Variants in NAV2 observed in about 807,000 individuals in gnomAD.
NAV2 encodes neuron navigator 2, also known as helicase, APC down-regulated 1.
In NAV2, 54 loss-of-function variants were observed where a neutral mutation model predicts 223.2. The ratio of observed to expected loss-of-function variants is 0.24; its 90% confidence interval spans 0.19 to 0.30. The LOEUF (loss-of-function observed/expected upper bound fraction) is 0.30. Ranked by LOEUF, NAV2 falls within the 10% of genes least tolerant of loss-of-function variation. NAV2 has a pLI of 1.00. For missense variants in NAV2, 2,806 were observed against 3,147.5 expected (o/e 0.89, Z 2.60); for synonymous variants, 1,279 against 1,239.3 (o/e 1.03, Z -0.67).
At position 20,090,871 on chromosome 11, in the gene NAV2, A is replaced by T. The variant is rs2243624; in HGVS notation, c.5505A>T (p.Ser1835=). The T allele has an allele frequency of 1.2e-6, 2 of 1,613,248 alleles. No individual in the cohort carries two copies. The highest frequency in any genetic ancestry group is 3.3e-5 in the Admixed American group (2 of 59,986). ...AACATTCCTCTTTCCCTAGAATTTC[A>T]GAATGCATGGATAGTGAAGCTGAGA... ...LRNSHSNSLI[S]ECMDSEAETV... is the part of the protein sequence containing the mutation. Residue 1835 remains serine, a synonymous_variant, in exon 27 of 38, where the codon TCA becomes TCT. Transcript: ENST00000349880.
intron 1 of NAV2, among the ~76,000 whole-genome samples, chr11:19,823,952 G>C (rs962755128): frequency 2.0e-5 from 3 of 152,056 alleles, no homozygotes. Flanking sequence ...AAGTGCAATT[G>C]TGTTAATTAA....
chr11:19,500,740 G>A (rs1369209125), intron 1 of NAV2, among the ~76,000 whole-genome samples: 1 of 152,146 alleles, frequency 6.6e-6, no homozygotes. Context: ...ACTTTCAGAT[G>A]CTTTATCTAA....
At chr11:19,367,694 C>T (rs1848335224) in intron 1 of NAV2, among the ~76,000 whole-genome samples, 3 of 152,046 alleles carry the variant, frequency 2.0e-5, no homozygotes, top group Admixed American at 2.0e-4. Context: ...GTATGTCCAT[C>T]CTTGTGGGCC....
chr11:20,072,152 A>C (rs1420249464), intron 22 of NAV2, among the ~76,000 whole-genome samples: 1 of 152,246 alleles, frequency 6.6e-6, no homozygotes, highest in East Asian at 1.9e-4. Flanking sequence ...AGCTTTCTGC[A>C]TATGGCTAGC....
chr11:19,816,270 G>A (rs570859002), intron 1 of NAV2, among the ~76,000 whole-genome samples: 12 of 152,302 alleles, frequency 7.9e-5, no homozygotes, highest in East Asian at 1.9e-4. Flanking sequence ...TCCTAGGGCC[G>A]GGCAGCGCCA....
chr11:20,053,519 C>T lies in NAV2; in HGVS notation c.4482-561C>T, dbSNP rs115010342. ...TGGTGGACCACATAACTTCTGAAGA[C>T]CCTCTCCTATAAAACTCAACAATTT... On this transcript the variant is annotated intron_variant, in intron 17 of 37. Coordinates refer to ENST00000349880, the MANE Select transcript of NAV2 (RefSeq NM_145117.5). 2.3e-3 allele frequency among the ~76,000 whole-genome samples: 343 copies of T among 152,308 alleles called. 1 individual carries two copies. Among genetic ancestry groups the T allele is most frequent in the African/African-American group, 7.9e-3 (327 of 41,556 alleles).
intron 1 of NAV2, among the ~76,000 whole-genome samples, chr11:19,383,789 G>A (rs937529694): frequency 1.2e-4 from 18 of 152,220 alleles, no homozygotes; most frequent in Admixed American, 4.6e-4. Flanking sequence ...CTCAATAAGC[G>A]TTAAAGCTTT....
intron 1 of NAV2, among the ~76,000 whole-genome samples, chr11:19,637,936 G>T (rs1366145369): frequency 6.6e-6 from 1 of 152,246 alleles, no homozygotes; most frequent in Non-Finnish European, 1.5e-5. Context: ...AGGCCAGTGA[G>T]TTGGCTTTTA....
chr11:19,942,814 A>C (rs1383683161), intron 8 of NAV2, among the ~76,000 whole-genome samples: 1 of 152,164 alleles, frequency 6.6e-6, no homozygotes, highest in Non-Finnish European at 1.5e-5. Context: ...AGAAGACCTC[A>C]TCTCTGCAAA....
intron 1 of NAV2, among the ~76,000 whole-genome samples, chr11:19,702,822 A>C (rs920884571): frequency 1.6e-4 from 22 of 134,662 alleles, no homozygotes; most frequent in African/African-American, 5.7e-4. Flanking sequence ...TAATAATAAT[A>C]ATAAGTCCCT....
chr11:19,737,883 A>T (rs914786486), intron 1 of NAV2, among the ~76,000 whole-genome samples: 5 of 152,348 alleles, frequency 3.3e-5, no homozygotes, highest in South Asian at 4.1e-4. Flanking sequence ...GCCATGGCTG[A>T]TGGTGAAACC....
intron 1 of NAV2, among the ~76,000 whole-genome samples, chr11:19,665,541 A>G (rs1303637299): frequency 6.6e-6 from 1 of 152,310 alleles, no homozygotes; most frequent in Admixed American, 6.5e-5. Flanking sequence ...AAATGGGGAT[A>G]TTAATATTTT....
chr11:19,427,984 AT>A (rs532127755), intron 1 of NAV2, among the ~76,000 whole-genome samples: 9 of 151,224 alleles, frequency 6.0e-5, no homozygotes, highest in Non-Finnish European at 1.0e-4. Context: ...TGTTTGGGGT[AT>A]TTTTTTTAAT....
At chr11:19,603,097 C>T (rs915504381) in intron 1 of NAV2, among the ~76,000 whole-genome samples, 1 of 152,182 alleles carries the variant, frequency 6.6e-6, no homozygotes, top group Non-Finnish European at 1.5e-5. Flanking sequence ...TACGTAGGAC[C>T]AGACCACAAA....
intron 1 of NAV2, among the ~76,000 whole-genome samples, chr11:19,690,628 G>T (rs889154540): frequency 2.6e-5 from 4 of 152,158 alleles, no homozygotes; most frequent in African/African-American, 7.2e-5. Context: ...CACATGTGTT[G>T]GTTCCCCACC....
At chr11:19,654,230 C>T (rs1223874855) in intron 1 of NAV2, among the ~76,000 whole-genome samples, 4 of 152,090 alleles carry the variant, frequency 2.6e-5, no homozygotes, top group African/African-American at 4.8e-5. Context: ...CACTGCTCAA[C>T]AAAATAAAAG....
At chr11:19,448,873 G>A (rs1429045848) in intron 1 of NAV2, among the ~76,000 whole-genome samples, 2 of 152,222 alleles carry the variant, frequency 1.3e-5, no homozygotes, top group Non-Finnish European at 2.9e-5. Context: ...GAAGGAGGGA[G>A]AGAGGAGAGC....
chr11:19,573,988 A>G (rs544219172), intron 1 of NAV2, among the ~76,000 whole-genome samples: 1 of 152,310 alleles, frequency 6.6e-6, no homozygotes, highest in Admixed American at 6.5e-5. Flanking sequence ...GGCCTGGGGC[A>G]GGGCTCCTTC....
chr11:20,046,322 CG>C lies in NAV2; in HGVS notation c.3902+653del, dbSNP rs1249891945. 6.8e-5 allele frequency among the ~76,000 whole-genome samples: 10 copies of C among 147,116 alleles called. No individual in the cohort carries two copies. The East Asian group carries it at 1.6e-3, about 23-fold the overall frequency. On this transcript the variant is annotated intron_variant, in intron 14 of 37. Transcript: ENST00000349880. ...CTGCACTCCAGCCTGGGCAACAGAG[CG>C]AGACTCCATCTCAAAAAAAAAAAAA...
Sources: allele counts gnomAD v4.1 joint callset (sites outside exome capture counted in the v4.1 genomes callset), GRCh38; gene constraint gnomAD v4.1.1; transcripts MANE v1.5; gene names NCBI Gene and HGNC (gene_info 2026-07-23, HGNC 2026-07-21).